Variants in RXRA observed in about 807,000 individuals in gnomAD.
RXRA encodes retinoid X receptor alpha, also known as retinoic acid receptor RXR-alpha.
A neutral mutation model predicts 44.5 loss-of-function variants in RXRA; 5 were observed. The observed-to-expected ratio is 0.11, with a 90% CI of 0.06 to 0.24. The LOEUF is 0.24. Ranked by LOEUF, RXRA falls within the 10% of genes least tolerant of loss-of-function variation. The pLI is 1.00. For missense variants in RXRA, 412 were observed against 646.5 expected (o/e 0.64, Z 3.93); for synonymous variants, 291 against 271.4 (o/e 1.07, Z -0.71).
intron 1 of RXRA, among the ~76,000 whole-genome samples, chr9:134,333,639 C>G (rs1481464129): frequency 6.6e-6 from 1 of 152,212 alleles, no homozygotes; most frequent in African/African-American, 2.4e-5. Flanking sequence ...GTTACTGATT[C>G]AACAGGCTTC....
At chr9:134,434,656 G>A (rs1382768667) in intron 9 of RXRA, among the ~76,000 whole-genome samples, 2 of 152,120 alleles carry the variant, frequency 1.3e-5, no homozygotes, top group African/African-American at 2.4e-5. Flanking sequence ...TGAGCGTAGC[G>A]CTCATGTTTC....
chr9:134,367,872 G>C (rs1398862577), intron 1 of RXRA, among the ~76,000 whole-genome samples: 1 of 152,272 alleles, frequency 6.6e-6, no homozygotes, highest in Non-Finnish European at 1.5e-5. Flanking sequence ...GGCTCAGCCA[G>C]CAGTTTTGTG....
rs1007535012 is a variant in RXRA, at chr9:134,365,740, G to A, written c.29-35892G>A. Among the ~76,000 whole-genome samples, 2 of 151,988 alleles carry A rather than the reference G, an allele frequency of 1.3e-5. No individual in the cohort carries two copies. Among genetic ancestry groups the A allele is most frequent in the Non-Finnish European group, 2.9e-5 (2 of 67,980 alleles). On this transcript the variant is annotated intron_variant, in intron 1 of 9. Transcript: ENST00000481739. This position sits in a 1 kb window ranked among gnomAD's most constrained non-coding sequence, Gnocchi z 4.0. ...GAGGGGCCCGGCAGAGTCTCGGTGGGTCTCGGTGGGGCCAGCTGTCGGTGG... is the reference window on the plus strand; with the variant it reads ...GAGGGGCCCGGCAGAGTCTCGGTGGATCTCGGTGGGGCCAGCTGTCGGTGG...
At chr9:134,413,584 A>G (rs1049660532) in intron 4 of RXRA, among the ~76,000 whole-genome samples, 13 of 152,180 alleles carry the variant, frequency 8.5e-5, no homozygotes, top group Non-Finnish European at 1.2e-4. Context: ...TCTTGGGCCC[A>G]GCCCTGGGCT....
chr9:134,377,172 A>G (rs1432608830), intron 1 of RXRA, among the ~76,000 whole-genome samples: 2 of 152,164 alleles, frequency 1.3e-5, no homozygotes, highest in African/African-American at 4.8e-5. Flanking sequence ...GACAGTACCC[A>G]TTCTCACCCT....
chr9:134,327,289 G>T (rs1834931982), intron 1 of RXRA, among the ~76,000 whole-genome samples: 1 of 152,196 alleles, frequency 6.6e-6, no homozygotes, highest in African/African-American at 2.4e-5. Flanking sequence ...ACCCCCGGGT[G>T]TTCTCCCAGG....
At chr9:134,327,261 G>T (rs907554549) in intron 1 of RXRA, among the ~76,000 whole-genome samples, 5 of 152,130 alleles carry the variant, frequency 3.3e-5, no homozygotes, top group Non-Finnish European at 4.4e-5. Context: ...TTCCAGAAAT[G>T]GGGCCCCTCA....
intron 1 of RXRA, among the ~76,000 whole-genome samples, chr9:134,336,196 G>A (rs1283663878): frequency 6.6e-6 from 1 of 152,226 alleles, no homozygotes; most frequent in Non-Finnish European, 1.5e-5. Context: ...CCCGGGCCCA[G>A]TGGAGGGGTG....
chr9:134,416,037 G>A (rs1018758744), intron 4 of RXRA, among the ~76,000 whole-genome samples: 1 of 152,088 alleles, frequency 6.6e-6, no homozygotes, highest in Admixed American at 6.5e-5. Flanking sequence ...AGGTGGTGGG[G>A]TTGGGGACCA....
intron 1 of RXRA, chr9:134,380,112 G>T: frequency 6.1e-6 from 6 of 985,462 alleles, no homozygotes; most frequent in Non-Finnish European, 7.2e-6. Context: ...CCGCCTGAGG[G>T]CCAAGTGTGG....
At chr9:134,427,170 C>CA (rs530330321) in intron 6 of RXRA, 83,440 of 697,720 alleles carry the variant, frequency 0.12, 24 homozygotes, top group Non-Finnish European at 0.13. Flanking sequence ...TGGGCAAAAA[C>CA]AAAAAAAAAA....
At position 134,349,742 on chromosome 9, in the gene RXRA, G is replaced by A. The variant is rs369988067; in HGVS notation, c.28+23083G>A. On this transcript the variant is annotated intron_variant, in intron 1 of 9. Coordinates refer to ENST00000481739, the MANE Select transcript of RXRA (RefSeq NM_002957.6). The surrounding 1 kb of genome is among the most constrained non-coding windows in gnomAD (Gnocchi z 4.3). The stretch of plus-strand genomic sequence containing the variant: ...CCTGGAGGCGCAGGGCTGTGCACAG[G>A]ATTCCCCAGGGCTGGGCCAGCCTGG... Among the ~76,000 whole-genome samples the A allele has an allele frequency of 6.9e-5, 10 of 145,542 alleles. No individual in the cohort carries two copies. In the East Asian group the frequency reaches 1.6e-3, roughly 24 times the overall value.
intron 1 of RXRA, among the ~76,000 whole-genome samples, chr9:134,391,608 G>A (rs569326717): frequency 6.6e-6 from 1 of 152,246 alleles, no homozygotes; most frequent in Non-Finnish European, 1.5e-5. Context: ...TCAGGGGTAC[G>A]GCCTGGAAGG....
chr9:134,374,685 TA>T lies in RXRA; in HGVS notation c.29-26943del, dbSNP rs1234729137. Among the ~76,000 whole-genome samples, 3 of 152,204 alleles carry T rather than the reference TA, an allele frequency of 2.0e-5. No homozygotes were observed. The East Asian group carries it at 5.8e-4, about 29-fold the overall frequency. Reference sequence around the variant, plus strand: ...CTGGGGAGGCACAGCAAGTGGGTGGTAAAATTTAGACCTTTTGCCTCCTGGC... The same window carrying T: ...CTGGGGAGGCACAGCAAGTGGGTGGTAAATTTAGACCTTTTGCCTCCTGGC... On this transcript the variant is annotated intron_variant, in intron 1 of 9. Transcript: ENST00000481739.
intron 1 of RXRA, among the ~76,000 whole-genome samples, chr9:134,367,972 C>G (rs1028401459): frequency 1.3e-5 from 2 of 152,268 alleles, no homozygotes; most frequent in African/African-American, 4.8e-5. Context: ...AGATGCTCGG[C>G]CGATAAGCCG....
chr9:134,425,027 G>T lies in RXRA; in HGVS notation c.910+3222G>T, dbSNP rs1831409489. ...GGCGACAGCAACGATGGGAATGGGTGCCCAGACCTGCAATTCCCACCATCG... is the reference window on the plus strand; with the variant it reads ...GGCGACAGCAACGATGGGAATGGGTTCCCAGACCTGCAATTCCCACCATCG... On this transcript the variant is annotated intron_variant, in intron 6 of 9. Coordinates refer to ENST00000481739, the MANE Select transcript of RXRA (RefSeq NM_002957.6). The T allele has an allele frequency of 4.1e-6, 4 of 985,346 alleles. No individual in the cohort carries two copies. In the South Asian group the frequency reaches 1.9e-4, roughly 46 times the overall value. The allele number at this position is 985,346 out of a possible 1,614,324, so 61.0% of individuals were successfully genotyped here.
intron 1 of RXRA, among the ~76,000 whole-genome samples, chr9:134,389,189 G>A (rs1435731377): frequency 6.6e-6 from 1 of 152,222 alleles, no homozygotes; most frequent in Non-Finnish European, 1.5e-5. Context: ...GCACGTTGTT[G>A]CCATTTCACG....
intron 1 of RXRA, among the ~76,000 whole-genome samples, chr9:134,369,275 TATG>T (rs1279073871): frequency 1.9e-4 from 8 of 41,036 alleles, no homozygotes; most frequent in African/African-American, 2.9e-4. Flanking sequence ...TGTGGGGGGT[TATG>T]TGTGTGTGTG....
Position 134,434,183 on chromosome 9 carries a change from A to G in RXRA, c.1217A>G (p.His406Arg), listed in dbSNP as rs1831577917. The G allele has an allele frequency of 6.8e-6, 11 of 1,613,502 alleles. No homozygotes were observed. Among genetic ancestry groups the G allele is most frequent in the African/African-American group, 1.3e-5 (1 of 74,940 alleles). Residue 406 changes from histidine to arginine, a missense_variant, in exon 9 of 10, where the codon CAC becomes CGC. Transcript: ENST00000481739. ...VYASLEAYCK[H>R]KYPEQPGRFA... ...GCGTCCTTGGAGGCCTACTGCAAGC[A>G]CAAGTACCCAGAGCAGCCGGGAAGG...
Sources: allele counts gnomAD v4.1 joint callset (sites outside exome capture counted in the v4.1 genomes callset), GRCh38; gene constraint gnomAD v4.1.1; non-coding constraint Gnocchi (gnomAD v3.1); transcripts MANE v1.5; gene names NCBI Gene and HGNC (gene_info 2026-07-23, HGNC 2026-07-21).